Variants in TFG observed in about 807,000 individuals in gnomAD.
TFG encodes protein TFG.
TFG carries 22 observed loss-of-function variants against 51.4 expected under a neutral mutation model. The ratio of observed to expected loss-of-function variants is 0.43; its 90% CI spans 0.31 to 0.61. TFG has a LOEUF of 0.61. Among genes scored for constraint, TFG ranks in the 20% least tolerant of loss-of-function variants. The pLI is 0.12. For missense variants in TFG, 419 were observed against 487.7 expected, an observed-to-expected ratio of 0.86 and a Z score of 1.33; for synonymous variants, 187 against 165.6, an observed-to-expected ratio of 1.13 and a Z score of -0.99.
At chr3:100,722,295 A>G (rs2095063092) in intron 3 of TFG, among the ~76,000 whole-genome samples, 1 of 152,274 alleles carries the variant, frequency 6.6e-6, no homozygotes, top group South Asian at 2.1e-4. Context: ...GATAGGTTAA[A>G]CACATTAGTC....
chr3:100,737,820 A>G (rs2095110786), intron 6 of TFG, among the ~76,000 whole-genome samples: 1 of 152,156 alleles, frequency 6.6e-6, no homozygotes, highest in South Asian at 2.1e-4. Flanking sequence ...AGGCCGAGCC[A>G]GGAGGATCAC....
intron 5 of TFG, 89 bp downstream of exon 5, chr3:100,732,761 TG>T: frequency 8.5e-7 from 1 of 1,180,504 alleles, no homozygotes; most frequent in Non-Finnish European, 1.2e-6. Flanking sequence ...AAGAATAACT[TG>T]GATATGGTGA....
At chr3:100,720,588 G>A (rs2095057949) in intron 3 of TFG, among the ~76,000 whole-genome samples, 1 of 152,196 alleles carries the variant, frequency 6.6e-6, no homozygotes, top group South Asian at 2.1e-4. Context: ...TGAATCTAAT[G>A]CCACTGCTGA....
In TFG at chr3:100,730,407, T is replaced by C. The variant is rs575334936; in HGVS notation, c.415+1549T>C. On this transcript the variant is annotated intron_variant, in intron 4 of 7. Transcript: ENST00000240851. ...AAAAGGTGTTAAAATTGGTTTCTTCTCTGCATTTTGGAAATCATGCCATAT... is the reference window on the plus strand; with the variant it reads ...AAAAGGTGTTAAAATTGGTTTCTTCCCTGCATTTTGGAAATCATGCCATAT... 1.1e-3 allele frequency among the ~76,000 whole-genome samples: 163 copies of C among 152,368 alleles called. 1 individual carries two copies. Among genetic ancestry groups the C allele is most frequent in the African/African-American group, 3.8e-3 (158 of 41,602 alleles).
chr3:100,744,583 A>G, intron 6 of TFG: 2 of 322,748 alleles, frequency 6.2e-6, no homozygotes, highest in Non-Finnish European at 5.6e-6. Flanking sequence ...ACTTTATGAA[A>G]TGGTAGCCAC....
chr3:100,715,542 C>A (rs1168320417), intron 2 of TFG, among the ~76,000 whole-genome samples: 4 of 152,182 alleles, frequency 2.6e-5, no homozygotes, highest in Non-Finnish European at 2.9e-5. Context: ...GACCATCTAG[C>A]TAAAGGTATA....
At chr3:100,732,465 A>G (rs2095094303) in intron 4 of TFG, 43 bp from the exon 5 acceptor site, 2 of 1,503,664 alleles carry the variant, frequency 1.3e-6, no homozygotes, top group African/African-American at 1.4e-5. Flanking sequence ...CTGAATATAG[A>G]TAAAAAGGAA....
chr3:100,719,103 A>G (rs1343099285), intron 2 of TFG, among the ~76,000 whole-genome samples: 3 of 152,238 alleles, frequency 2.0e-5, no homozygotes, highest in Non-Finnish European at 4.4e-5. Context: ...AGGAGCTAAA[A>G]ACAGTTATAA....
chr3:100,741,337 G>C (rs552774613), intron 6 of TFG, among the ~76,000 whole-genome samples: 1 of 152,104 alleles, frequency 6.6e-6, no homozygotes, highest in Non-Finnish European at 1.5e-5. Flanking sequence ...CAATGATCCT[G>C]ATGCTGTATA....
intron 4 of TFG, among the ~76,000 whole-genome samples, chr3:100,729,156 T>C (rs2095084446): frequency 6.6e-6 from 1 of 152,224 alleles, no homozygotes; most frequent in Non-Finnish European, 1.5e-5. Context: ...CTTAGACTTT[T>C]GGATTTGTTA....
At chr3:100,712,467 C>T (rs1007793919) in intron 1 of TFG, among the ~76,000 whole-genome samples, 1 of 152,076 alleles carries the variant, frequency 6.6e-6, no homozygotes, top group Non-Finnish European at 1.5e-5. Flanking sequence ...TTGTAGGATA[C>T]CTTGAAAAGT....
intron 5 of TFG, among the ~76,000 whole-genome samples, chr3:100,733,281 A>G (rs1347626092): frequency 3.3e-5 from 5 of 151,882 alleles, no homozygotes; most frequent in Non-Finnish European, 5.9e-5. Context: ...ATTAAGGTTC[A>G]TTTTTCTTCA....
intron 7 of TFG, among the ~76,000 whole-genome samples, chr3:100,746,258 T>A (rs1256648155): frequency 6.6e-6 from 1 of 152,160 alleles, no homozygotes; most frequent in Admixed American, 6.5e-5. Context: ...TAGAATCACC[T>A]GGGGGAGGCT....
intron 6 of TFG, 82 bp from the exon 7 acceptor site, chr3:100,744,751 A>C: frequency 2.5e-6 from 2 of 791,704 alleles, no homozygotes; most frequent in Non-Finnish European, 4.3e-6. Context: ...TGGAGAGGGA[A>C]TGTATATGTA....
chr3:100,725,856 G>T (rs1182772233), intron 3 of TFG, among the ~76,000 whole-genome samples: 2 of 152,082 alleles, frequency 1.3e-5, no homozygotes, highest in Non-Finnish European at 2.9e-5. Flanking sequence ...TTATCTTGTT[G>T]TGTGCTTGAA....
chr3:100,722,573 A>T (rs1028525000), intron 3 of TFG, among the ~76,000 whole-genome samples: 2 of 152,224 alleles, frequency 1.3e-5, no homozygotes, highest in Non-Finnish European at 2.9e-5. Context: ...TCCCCACTGG[A>T]CATATTGTCA....
chr3:100,740,899 A>G (rs571325711), intron 6 of TFG, among the ~76,000 whole-genome samples: 4 of 152,318 alleles, frequency 2.6e-5, no homozygotes, highest in South Asian at 2.1e-4. Context: ...AGTGGACTGC[A>G]TATATGATGG....
chr3:100,717,914 C>G (rs1470586749), intron 2 of TFG, among the ~76,000 whole-genome samples: 1 of 151,730 alleles, frequency 6.6e-6, no homozygotes, highest in Admixed American at 6.6e-5. Flanking sequence ...GCTTAACTGT[C>G]TTTTTTTTAT....
At chr3:100,746,203 A>AT (rs565435433) in intron 7 of TFG, among the ~76,000 whole-genome samples, 7 of 152,160 alleles carry the variant, frequency 4.6e-5, no homozygotes, top group Non-Finnish European at 8.8e-5. Flanking sequence ...AGCTGAAGAG[A>AT]TTTAGTCATC....
Sources: gnomAD v4.1 joint callset for allele counts (sites outside exome capture counted in the v4.1 genomes callset) on GRCh38, gnomAD v4.1.1 for gene constraint, MANE v1.5 for transcripts, NCBI Gene and HGNC (gene_info 2026-07-23, HGNC 2026-07-21) for gene names.